UPRT: variants seen among roughly 807,000 people sequenced by gnomAD.
The protein encoded by UPRT is RP11-311P8.3.
In UPRT, 5 loss-of-function variants were observed where a neutral mutation model predicts 22.6. The observed-to-expected ratio is 0.22, with a 90% CI of 0.12 to 0.47. The LOEUF (loss-of-function observed/expected upper bound fraction) is 0.47. UPRT is among the 20% of genes least tolerant of loss of function. UPRT has a pLI of 0.99. For missense variants in UPRT, 181 were observed against 239.9 expected (o/e 0.75, Z 1.62); for synonymous variants, 77 against 87.7 (o/e 0.88, Z 0.68).
chrX:75,186,175 C>T (rs2082290158), intron 4 of UPRT, among the ~76,000 whole-genome samples: 1 of 110,753 alleles, frequency 9.0e-6, no homozygotes, highest in South Asian at 4.0e-4. Flanking sequence ...ATAAATTTCC[C>T]TCTACACACT....
upstream of UPRT, among the ~76,000 whole-genome samples, chrX:75,269,406 TTA>T (rs1275208652): frequency 1.4e-4 from 16 of 111,441 alleles, no homozygotes; most frequent in Non-Finnish European, 2.1e-4. Flanking sequence ...AAAATCTACT[TTA>T]CATTTCATAT....
chrX:75,284,769 G>T (rs2082673277), intron 1 of UPRT, among the ~76,000 whole-genome samples: 1 of 111,784 alleles, frequency 8.9e-6, no homozygotes, highest in African/African-American at 3.3e-5. Context: ...TTTTTTTGCT[G>T]GTTGGCCTCC....
In UPRT at chrX:75,219,861, TATAAC is replaced by T. The variant is rs764235869; in HGVS notation, c.-447+51987_-447+51991del. Among the ~76,000 whole-genome samples the T allele has an allele frequency of 4.7e-4, 53 of 112,012 alleles. No homozygotes were observed. In the South Asian group the frequency reaches 0.018, roughly 39 times the overall value. On this transcript the variant is annotated intron_variant, in intron 4 of 13. Transcript: ENST00000652605. ...ACACCAGACTTAATCTGCACTATAA[TATAAC>T]ATAAATAATGTGTATTCTGCAGTCA...
chrX:75,233,996 G>C (rs1202233934), intron 4 of UPRT, among the ~76,000 whole-genome samples: 1 of 111,311 alleles, frequency 9.0e-6, no homozygotes, highest in Non-Finnish European at 1.9e-5. Flanking sequence ...CTGGCAAATT[G>C]GATAAAGAGG....
chrX:75,184,721 T>C (rs2082283335), intron 4 of UPRT, among the ~76,000 whole-genome samples: 1 of 109,578 alleles, frequency 9.1e-6, no homozygotes, highest in Non-Finnish European at 1.9e-5. Flanking sequence ...TTTGTAGTTA[T>C]CCTTGAAGAG....
intron 4 of UPRT, among the ~76,000 whole-genome samples, chrX:75,174,324 G>T (rs143698167): frequency 3.1e-3 from 346 of 111,806 alleles, no homozygotes; most frequent in African/African-American, 0.011. Context: ...GGTCGGTCCA[G>T]GGGTCCCCAG....
At chrX:75,272,513 A>T (rs1032286031), upstream of UPRT, among the ~76,000 whole-genome samples, 3 of 107,727 alleles carry the variant, frequency 2.8e-5, no homozygotes, top group East Asian at 8.7e-4. Context: ...GTTCTCACTC[A>T]TAAGTGGGAG....
intron 4 of UPRT, among the ~76,000 whole-genome samples, chrX:75,168,550 C>T (rs767113897): frequency 3.0e-4 from 33 of 110,587 alleles, no homozygotes; most frequent in Admixed American, 9.6e-5. Context: ...TTTTTTGAGA[C>T]GGAGTTTCGC....
chrX:75,239,580 A>G (rs1028320549), intron 4 of UPRT, among the ~76,000 whole-genome samples: 1 of 111,360 alleles, frequency 9.0e-6, no homozygotes, highest in Non-Finnish European at 1.9e-5. Flanking sequence ...GAAAGAGGGA[A>G]TCCTCCCTAA....
At chrX:75,252,838 T>C (rs1261992317) in intron 4 of UPRT, among the ~76,000 whole-genome samples, 3 of 112,372 alleles carry the variant, frequency 2.7e-5, no homozygotes, top group Non-Finnish European at 5.6e-5. Flanking sequence ...GTGGCACATA[T>C]ACACCATGGA....
intron 4 of UPRT, among the ~76,000 whole-genome samples, chrX:75,209,772 G>A (rs1018144458): frequency 8.9e-6 from 1 of 112,461 alleles, no homozygotes; most frequent in African/African-American, 3.2e-5. Flanking sequence ...CTAAAAACAG[G>A]CTTCTGGCAG....
At chrX:75,226,836 TTC>T (rs1274519192) in intron 4 of UPRT, among the ~76,000 whole-genome samples, 2 of 110,779 alleles carry the variant, frequency 1.8e-5, no homozygotes, top group African/African-American at 6.6e-5. Flanking sequence ...TGGGATAATT[TTC>T]TCTTTTGTTC....
intron 4 of UPRT, among the ~76,000 whole-genome samples, chrX:75,186,698 G>A (rs1460102726): frequency 8.9e-6 from 1 of 111,948 alleles, no homozygotes; most frequent in Non-Finnish European, 1.9e-5. Flanking sequence ...TTATGAATCT[G>A]GCTGCTCCTG....
At chrX:75,222,724 C>G (rs1162698522) in intron 4 of UPRT, among the ~76,000 whole-genome samples, 2 of 110,929 alleles carry the variant, frequency 1.8e-5, no homozygotes, top group Non-Finnish European at 3.8e-5. Context: ...AGGATTCACC[C>G]TTTGGGGCAG....
At chrX:75,264,426 A>ATT (rs1288375054) in intron 4 of UPRT, among the ~76,000 whole-genome samples, 1 of 111,756 alleles carries the variant, frequency 8.9e-6, no homozygotes, top group Non-Finnish European at 1.9e-5. Context: ...GTGCATATAT[A>ATT]GTTAGGATAG....
At chrX:75,162,032 G>T (rs1426290002) in intron 2 of UPRT, among the ~76,000 whole-genome samples, 2 of 110,891 alleles carry the variant, frequency 1.8e-5, no homozygotes, top group Non-Finnish European at 3.8e-5. Context: ...CTATGCATTG[G>T]GTCCATCCCA....
intron 1 of UPRT, among the ~76,000 whole-genome samples, chrX:75,280,025 A>G (rs959001221): frequency 9.1e-6 from 1 of 110,174 alleles, no homozygotes; most frequent in Admixed American, 9.7e-5. Flanking sequence ...TATATTTGAT[A>G]TGTATTCCAT....
At chrX:75,261,896 CAT>C (rs1334126411) in intron 4 of UPRT, among the ~76,000 whole-genome samples, 5 of 111,193 alleles carry the variant, frequency 4.5e-5, no homozygotes, top group Non-Finnish European at 7.6e-5. Flanking sequence ...TAATCCATCA[CAT>C]AAACAGAACC....
intron 4 of UPRT, among the ~76,000 whole-genome samples, chrX:75,236,496 TC>T (rs890355514): frequency 3.6e-5 from 4 of 111,663 alleles, no homozygotes; most frequent in Non-Finnish European, 7.5e-5. Flanking sequence ...GCCAAGTCAA[TC>T]CTGAGCCAAA....
Sources: gnomAD v4.1 joint callset for allele counts (sites outside exome capture counted in the v4.1 genomes callset) on GRCh38, gnomAD v4.1.1 for gene constraint, MANE v1.5 for transcripts, NCBI Gene and HGNC (gene_info 2026-07-23, HGNC 2026-07-21) for gene names.